The following NLGN4X variants were observed in gnomAD, a reference collection of about 807,000 sequenced individuals.
NLGN4X encodes the protein neuroligin 4 X-linked, also known as neuroligin-4, X-linked.
Under a neutral mutation model 40.3 loss-of-function variants are expected in NLGN4X, and 3 were observed. The observed-to-expected ratio is 0.07, with a 90% confidence interval of 0.03 to 0.19. The LOEUF is 0.19. NLGN4X is among the 10% of genes least tolerant of loss of function. The pLI is 1.00. For missense variants in NLGN4X, 382 were observed against 708.3 expected (o/e 0.54, Z 5.23); for synonymous variants, 270 against 306.8 (o/e 0.88, Z 1.25).
chrX:6,196,166 T>G (rs1923026004), intron 1 of NLGN4X, among the ~76,000 whole-genome samples: 1 of 111,017 alleles, frequency 9.0e-6, no homozygotes, highest in East Asian at 2.8e-4. Flanking sequence ...ACAGGTTTGT[T>G]TAAATACACA....
chrX:5,929,521 T>C (rs773600325), intron 3 of NLGN4X, among the ~76,000 whole-genome samples: 6 of 111,504 alleles, frequency 5.4e-5, no homozygotes, highest in Non-Finnish European at 9.4e-5. Context: ...TGTGTATATG[T>C]ATATACATAT....
chrX:5,989,995 C>T (rs7884808), intron 3 of NLGN4X, among the ~76,000 whole-genome samples: 7,671 of 109,237 alleles, frequency 0.07, 684 homozygotes, highest in African/African-American at 0.24. Flanking sequence ...TATCACTGTA[C>T]TGTACTAACC....
intron 3 of NLGN4X, among the ~76,000 whole-genome samples, chrX:6,014,938 T>C (rs149257907): frequency 3.2e-3 from 355 of 111,852 alleles, no homozygotes; most frequent in African/African-American, 0.011. Flanking sequence ...TTGCACTGGA[T>C]CTTTCCTTAG....
intron 2 of NLGN4X, among the ~76,000 whole-genome samples, chrX:6,135,701 G>A (rs2039800176): frequency 1.8e-5 from 2 of 111,417 alleles, no homozygotes; most frequent in African/African-American, 6.5e-5. Flanking sequence ...ACGCATAGTT[G>A]CTAGGCCAAT....
chrX:6,175,833 GCC>G (rs1181367399), intron 1 of NLGN4X, among the ~76,000 whole-genome samples: 2 of 109,761 alleles, frequency 1.8e-5, no homozygotes, highest in Admixed American at 2.0e-4. Context: ...TGGGATCCAA[GCC>G]CCCACTCTTT....
intron 2 of NLGN4X, among the ~76,000 whole-genome samples, chrX:6,048,777 A>T (rs1414982590): frequency 9.3e-6 from 1 of 107,802 alleles, no homozygotes; most frequent in Non-Finnish European, 1.9e-5. Context: ...TCTCACGTAT[A>T]AGTGGGAGCT....
chrX:6,032,248 T>A (rs2036884217), intron 2 of NLGN4X, among the ~76,000 whole-genome samples: 1 of 89,449 alleles, frequency 1.1e-5, no homozygotes, highest in African/African-American at 4.3e-5. Context: ...CAAAAAAAAT[T>A]CTTCTAAGGT....
At chrX:6,157,590 G>A (rs1436634822) in intron 1 of NLGN4X, among the ~76,000 whole-genome samples, 2 of 111,847 alleles carry the variant, frequency 1.8e-5, no homozygotes, top group Non-Finnish European at 3.8e-5. Context: ...AGCTCTGGAG[G>A]CTGGAAGTCC....
At chrX:6,217,131 T>C (rs1234086533) in intron 1 of NLGN4X, among the ~76,000 whole-genome samples, 1 of 112,039 alleles carries the variant, frequency 8.9e-6, no homozygotes, top group Non-Finnish European at 1.9e-5. Context: ...GTAGAATAAT[T>C]ATTCTTTGAA....
chrX:5,958,632 T>C (rs543728586), intron 3 of NLGN4X, among the ~76,000 whole-genome samples: 9 of 111,931 alleles, frequency 8.0e-5, no homozygotes, highest in African/African-American at 2.9e-4. Flanking sequence ...ATATGAGTAC[T>C]TGTACCATGT....
chrX:6,042,768 G>A (rs1325032522), intron 2 of NLGN4X, among the ~76,000 whole-genome samples: 1 of 76,383 alleles, frequency 1.3e-5, no homozygotes, highest in Non-Finnish European at 2.4e-5. Flanking sequence ...TATAACTCTT[G>A]AAATGTTGTA....
intron 3 of NLGN4X, among the ~76,000 whole-genome samples, chrX:5,996,234 C>T (rs914955171): frequency 8.9e-6 from 1 of 112,244 alleles, no homozygotes; most frequent in Non-Finnish European, 1.9e-5. Context: ...TATCTGGGGT[C>T]CAGAGCCTTT....
At chrX:5,976,904 T>C (rs931600029) in intron 3 of NLGN4X, among the ~76,000 whole-genome samples, 1 of 112,940 alleles carries the variant, frequency 8.9e-6, no homozygotes, top group African/African-American at 3.2e-5. Context: ...TCTGAATTTT[T>C]CCCACTTGCT....
intron 1 of NLGN4X, among the ~76,000 whole-genome samples, chrX:6,152,315 C>A (rs1016563966): frequency 1.8e-5 from 2 of 112,091 alleles, no homozygotes; most frequent in Non-Finnish European, 3.8e-5. Flanking sequence ...CTAAACAAAT[C>A]TGTGTTGAAT....
chrX:6,207,418 A>G (rs1924131496), intron 1 of NLGN4X, among the ~76,000 whole-genome samples: 1 of 112,194 alleles, frequency 8.9e-6, no homozygotes, highest in Non-Finnish European at 1.9e-5. Context: ...GCAAAAACTT[A>G]TTGTAAACCC....
intron 2 of NLGN4X, among the ~76,000 whole-genome samples, chrX:6,080,918 C>T (rs1167481009): frequency 1.8e-5 from 2 of 110,382 alleles, no homozygotes; most frequent in Admixed American, 9.7e-5. Context: ...ATTGTATCCT[C>T]AAACTCCTGG....
chrX:5,963,003 T>C (rs1203722701), intron 3 of NLGN4X, among the ~76,000 whole-genome samples: 6 of 96,459 alleles, frequency 6.2e-5, no homozygotes, highest in Non-Finnish European at 1.2e-4. Context: ...AAATTGGTAC[T>C]GAGAGTGTGG....
chrX:6,001,927 G>A (rs2035980851), intron 3 of NLGN4X, among the ~76,000 whole-genome samples: 1 of 111,613 alleles, frequency 9.0e-6, no homozygotes, highest in Non-Finnish European at 1.9e-5. Context: ...TTGACAACAT[G>A]AGCACTTGCC....
intron 2 of NLGN4X, among the ~76,000 whole-genome samples, chrX:6,086,288 T>C (rs2147426957): frequency 8.9e-6 from 1 of 112,357 alleles, no homozygotes; most frequent in East Asian, 2.8e-4. Context: ...TGGCTGCTTT[T>C]AAGTATATAA....
Sources: gnomAD v4.1 joint callset for allele counts (sites outside exome capture counted in the v4.1 genomes callset) on GRCh38, gnomAD v4.1.1 for gene constraint, MANE v1.5 for transcripts, NCBI Gene and HGNC (gene_info 2026-07-23, HGNC 2026-07-21) for gene names.